ARHGAP19: variants seen among roughly 807,000 people sequenced by gnomAD.
The protein encoded by ARHGAP19 is rho GTPase-activating protein 19.
ARHGAP19 carries 48 observed loss-of-function variants against 60.9 expected under a neutral mutation model. The observed-to-expected ratio is 0.79, with a 90% CI of 0.62 to 1.00. The LOEUF is 1.00. Among genes scored for constraint, ARHGAP19 ranks in the 50% least tolerant of loss-of-function variants. ARHGAP19 has a pLI of 0.00. For synonymous variants in ARHGAP19, 209 were observed against 215.5 expected (o/e 0.97, Z 0.27); for missense variants, 562 against 597.2 (o/e 0.94, Z 0.61).
intron 6 of ARHGAP19, among the ~76,000 whole-genome samples, chr10:97,249,916 A>G (rs1413751385): frequency 2.7e-5 from 4 of 150,402 alleles, no homozygotes; most frequent in African/African-American, 7.4e-5. Context: ...CTCCTGCCTC[A>G]GCCTCTCCCA....
chr10:97,239,716 T>G (rs1842447856), intron 8 of ARHGAP19, among the ~76,000 whole-genome samples: 1 of 147,626 alleles, frequency 6.8e-6, no homozygotes, highest in East Asian at 2.0e-4. Context: ...TTTTGTTTTC[T>G]TTTTTTTTTG....
chr10:97,288,709 A>C (rs1310968784), intron 1 of ARHGAP19, among the ~76,000 whole-genome samples: 1 of 152,092 alleles, frequency 6.6e-6, no homozygotes, highest in East Asian at 1.9e-4. Flanking sequence ...ACTACTATTC[A>C]CTAATTATTG....
chr10:97,229,681 T>G (rs1470468712), intron 10 of ARHGAP19, 83 bp downstream of exon 10: 4 of 1,029,922 alleles, frequency 3.9e-6, no homozygotes, highest in Non-Finnish European at 5.8e-6. Flanking sequence ...AGAAACACAG[T>G]AAAACAGATG....
chr10:97,265,718 G>T, intron 2 of ARHGAP19, 142 bp downstream of exon 2: 1 of 876,398 alleles, frequency 1.1e-6, no homozygotes, highest in Non-Finnish European at 1.8e-6. Context: ...TATTACTTAA[G>T]GTGTTACTAC....
chr10:97,290,257 C>CGCTGACTCCCATCCCGCT (rs550993839), intron 1 of ARHGAP19, among the ~76,000 whole-genome samples: 1 of 152,182 alleles, frequency 6.6e-6, no homozygotes, highest in East Asian at 1.9e-4. Context: ...GCAGACCCGC[C>CGCTGACTCCCATCCCGCT]GCTGACTCCC....
intron 6 of ARHGAP19, among the ~76,000 whole-genome samples, chr10:97,247,188 G>A (rs1444026035): frequency 1.3e-5 from 2 of 151,790 alleles, no homozygotes; most frequent in South Asian, 2.1e-4. Context: ...GTGCATGCCT[G>A]TGGTCCCAGC....
At position 97,266,880 on chromosome 10, in the gene ARHGAP19, T is replaced by C. The variant is rs140218202; in HGVS notation, c.57-755A>G. ...TTCCTCTCATGACATGTGGGGATTA[T>C]GGGAGCTACAATTCAAAATGAGATT... On this transcript the variant is annotated intron_variant, in intron 1 of 11. Transcript: ENST00000358531. Among the ~76,000 whole-genome samples, 1,281 of 152,306 alleles carry C rather than the reference T, an allele frequency of 8.4e-3. 5 individuals are homozygous for C. Among genetic ancestry groups the C allele is most frequent in the Non-Finnish European group, 9.9e-3 (674 of 68,032 alleles).
intron 1 of ARHGAP19, among the ~76,000 whole-genome samples, chr10:97,282,741 T>C (rs1382946396): frequency 6.6e-6 from 1 of 152,182 alleles, no homozygotes; most frequent in East Asian, 1.9e-4. Context: ...GAGATCTCTT[T>C]ACTTCTTACT....
At chr10:97,270,292 C>G (rs1179059173) in intron 1 of ARHGAP19, among the ~76,000 whole-genome samples, 1 of 151,998 alleles carries the variant, frequency 6.6e-6, no homozygotes, top group Non-Finnish European at 1.5e-5. Flanking sequence ...TGTGGACCAC[C>G]TGGTAAAACA....
chr10:97,269,813 T>C (rs1051713546), intron 1 of ARHGAP19, among the ~76,000 whole-genome samples: 1 of 152,222 alleles, frequency 6.6e-6, no homozygotes. Flanking sequence ...TAGGAACCAT[T>C]ATATTCCTGA....
At chr10:97,226,261 A>G (rs953336680) in intron 11 of ARHGAP19, 129 bp from the exon 12 acceptor site, 2 of 876,090 alleles carry the variant, frequency 2.3e-6, no homozygotes, top group Non-Finnish European at 3.6e-6. Flanking sequence ...AGTTTAATTA[A>G]GAATGTGTGA....
intron 4 of ARHGAP19, among the ~76,000 whole-genome samples, chr10:97,260,041 TAGTC>T (rs1842808970): frequency 6.6e-6 from 1 of 151,090 alleles, no homozygotes; most frequent in Admixed American, 6.6e-5. Flanking sequence ...TTCACCGTGT[TAGTC>T]AGGATGGTCT....
chr10:97,271,752 G>C (rs1031486424), intron 1 of ARHGAP19, among the ~76,000 whole-genome samples: 1 of 151,802 alleles, frequency 6.6e-6, no homozygotes, highest in Non-Finnish European at 1.5e-5. Flanking sequence ...CACAATCTTG[G>C]CTCACTGCAG....
intron 4 of ARHGAP19, among the ~76,000 whole-genome samples, chr10:97,261,823 G>A (rs1376247985): frequency 6.6e-6 from 1 of 152,162 alleles, no homozygotes; most frequent in Non-Finnish European, 1.5e-5. Context: ...AACACTTAGA[G>A]CCCATAGCAG....
chr10:97,282,302 T>C (rs906067387), intron 1 of ARHGAP19, among the ~76,000 whole-genome samples: 2 of 152,222 alleles, frequency 1.3e-5, no homozygotes, highest in African/African-American at 4.8e-5. Flanking sequence ...GGCCTATTAC[T>C]GCCACTTTTT....
chr10:97,268,564 G>C (rs532829967), intron 1 of ARHGAP19, among the ~76,000 whole-genome samples: 1 of 152,296 alleles, frequency 6.6e-6, no homozygotes, highest in South Asian at 2.1e-4. Context: ...ACATGGCTAG[G>C]GAGGCCTCAC....
chr10:97,292,340 C>A (rs77523571), intron 1 of ARHGAP19, among the ~76,000 whole-genome samples: 15 of 152,238 alleles, frequency 9.9e-5, no homozygotes, highest in Non-Finnish European at 1.5e-5. Context: ...CTGCAGCCAG[C>A]GCAGCGGGAG....
intron 8 of ARHGAP19, among the ~76,000 whole-genome samples, chr10:97,236,254 G>A (rs994007870): frequency 2.9e-4 from 44 of 152,242 alleles, no homozygotes; most frequent in African/African-American, 1.0e-3. Context: ...TAGGATTACA[G>A]GCGTGAGACA....
At chr10:97,262,959 A>G (rs1842850875) in intron 4 of ARHGAP19, among the ~76,000 whole-genome samples, 1 of 151,842 alleles carries the variant, frequency 6.6e-6, no homozygotes, top group Admixed American at 6.6e-5. Flanking sequence ...AAAATTACAA[A>G]AAAATTTGCC....
Sources: gnomAD v4.1 joint callset for allele counts (sites outside exome capture counted in the v4.1 genomes callset) on GRCh38, gnomAD v4.1.1 for gene constraint, MANE v1.5 for transcripts, NCBI Gene and HGNC (gene_info 2026-07-23, HGNC 2026-07-21) for gene names.